The following CPB2 variants were observed in gnomAD, a reference collection of about 807,000 sequenced individuals.
CPB2 encodes the protein carboxypeptidase B2, also known as carboxypeptidase B-like protein.
In CPB2, 54 loss-of-function variants were observed where a neutral mutation model predicts 57.0. The ratio of observed to expected loss-of-function variants is 0.95; its 90% CI spans 0.76 to 1.19. CPB2 has a LOEUF of 1.19. Among genes scored for constraint, CPB2 ranks in the 50% most tolerant of loss-of-function variants. The pLI is 0.00. For synonymous variants in CPB2, 189 were observed against 178.1 expected, an observed-to-expected ratio of 1.06 and a Z score of -0.49; for missense variants, 426 against 512.0, an observed-to-expected ratio of 0.83 and a Z score of 1.62.
intron 1 of CPB2, among the ~76,000 whole-genome samples, chr13:46,090,362 C>CTTTTTTT (rs11458090): frequency 7.9e-6 from 1 of 125,818 alleles, no homozygotes; most frequent in Non-Finnish European, 1.6e-5. Context: ...TTTGTCTATT[C>CTTTTTTT]TTTTTTTTTT....
Position 46,058,237 on chromosome 13 carries a change from T to C in CPB2, c.941A>G (p.Gln314Arg). The C allele has an allele frequency of 6.2e-7, 1 of 1,614,144 alleles. No individual in the cohort carries two copies. Among genetic ancestry groups the C allele is most frequent in the Non-Finnish European group, 8.5e-7 (1 of 1,179,972 alleles). ...KAYISMHSYS[Q>R]HIVFPYSYTR... Reference sequence around the variant, plus strand: ...ATAGGAATATGGAAACACTATATGCTGGGAGTATGAATGCATGCTGATGTA... The same window carrying C: ...ATAGGAATATGGAAACACTATATGCCGGGAGTATGAATGCATGCTGATGTA... The change falls in exon 9 of 11, where the codon CAG becomes CGG. Residue 314 changes from glutamine (Q) to arginine (R), a missense_variant. Gln to Arg is a conservative substitution (Grantham distance 43, BLOSUM62 1). Transcript: ENST00000181383.
At chr13:46,100,679 T>G (rs2045423469) in intron 1 of CPB2, 1 of 152,124 alleles carries the variant, frequency 6.6e-6, no homozygotes, top group Non-Finnish European at 1.5e-5. Context: ...AACCTGCATG[T>G]GGCTGGTCTC....
intron 8 of CPB2, among the ~76,000 whole-genome samples, chr13:46,063,487 A>G (rs1196460180): frequency 6.6e-6 from 1 of 152,188 alleles, no homozygotes; most frequent in African/African-American, 2.4e-5. Flanking sequence ...ATGTTGCTGT[A>G]AAGGACATAA....
In CPB2 at chr13:46,082,715, G is replaced by A. The variant is rs17844194; in HGVS notation, c.276-166C>T. On this transcript the variant is annotated intron_variant, in intron 3 of 10. Coordinates refer to ENST00000181383, the MANE Select transcript of CPB2 (RefSeq NM_001872.5). ...AGACATCTCGCATTGTGGTAAACTG[G>A]TTGACAAACCCTTTCAGTAGAGCCT... Among the ~76,000 whole-genome samples, 372 of 152,298 alleles carry A rather than the reference G, an allele frequency of 2.4e-3. 2 individuals carry two copies. The highest frequency in any genetic ancestry group is 8.1e-3 in the African/African-American group (336 of 41,554).
chr13:46,084,083 T>G, intron 3 of CPB2, 136 bp downstream of exon 3: 7 of 1,039,072 alleles, frequency 6.7e-6, no homozygotes, highest in Non-Finnish European at 9.8e-6. Flanking sequence ...CACCAGTCCA[T>G]TTGGTCCAGT....
chr13:46,082,010 ATTAGTT>A (rs1482200297), intron 4 of CPB2, among the ~76,000 whole-genome samples: 3 of 152,232 alleles, frequency 2.0e-5, no homozygotes, highest in Non-Finnish European at 4.4e-5. Context: ...ATAAAATGCA[ATTAGTT>A]ATAGTGTATT....
At chr13:46,084,754 A>C (rs1250188920) in intron 2 of CPB2, among the ~76,000 whole-genome samples, 1 of 151,944 alleles carries the variant, frequency 6.6e-6, no homozygotes, top group East Asian at 1.9e-4. Flanking sequence ...TCTTGTAATT[A>C]TCATCATGTC....
At chr13:46,081,007 T>C (rs1162421454) in intron 4 of CPB2, among the ~76,000 whole-genome samples, 2 of 144,798 alleles carry the variant, frequency 1.4e-5, no homozygotes, top group African/African-American at 5.1e-5. Context: ...AAAAGGCATA[T>C]GAGGAAGAAC....
intron 6 of CPB2, among the ~76,000 whole-genome samples, chr13:46,068,754 A>G (rs1017180846): frequency 5.0e-5 from 7 of 138,956 alleles, no homozygotes; most frequent in Non-Finnish European, 7.6e-5. Context: ...ATGTGTTCTC[A>G]TTGTTCAGCT....
chr13:46,060,441 G>A (rs1437687419), intron 8 of CPB2, among the ~76,000 whole-genome samples: 1 of 141,158 alleles, frequency 7.1e-6, no homozygotes, highest in East Asian at 2.1e-4. Flanking sequence ...CAGCCTGGAT[G>A]ACAGAACAAG....
chr13:46,084,335 G>C lies in CPB2; in HGVS notation c.159C>G (p.Leu53=). 1 of 1,614,054 alleles carries C rather than the reference G, an allele frequency of 6.2e-7. No homozygotes were observed. Among genetic ancestry groups the C allele is most frequent in the South Asian group, 1.1e-5 (1 of 91,062 alleles). ...QNLTTTYEIV[L]WQPVTADLIV... ...TAAGGTCAGCTGTTACCGGCTGCCA[G>C]AGAACAATCTACAGTTTAAGGGGCA... The change falls in exon 3 of 11, where the codon CTC becomes CTG. Residue 53 remains leucine (L), a synonymous_variant. Coordinates refer to ENST00000181383, the MANE Select transcript of CPB2 (RefSeq NM_001872.5).
intron 3 of CPB2, 88 bp downstream of exon 3, chr13:46,084,131 T>A: frequency 6.7e-7 from 1 of 1,482,230 alleles, no homozygotes; most frequent in Admixed American, 1.9e-5. Flanking sequence ...TACATTTTAT[T>A]TTTCCAGGAA....
chr13:46,078,764 C>T, intron 5 of CPB2, 36 bp downstream of exon 5: 1 of 1,316,046 alleles, frequency 7.6e-7, no homozygotes, highest in Middle Eastern at 1.8e-4. Flanking sequence ...TCCCTCCCCT[C>T]ACAGTGAAAG....
chr13:46,094,499 A>C (rs954803580), intron 1 of CPB2, among the ~76,000 whole-genome samples: 2 of 152,220 alleles, frequency 1.3e-5, no homozygotes, highest in Non-Finnish European at 2.9e-5. Context: ...AGGTGGGAAT[A>C]GATCCTGAGG....
chr13:46,089,937 T>C (rs1334163346), intron 1 of CPB2, among the ~76,000 whole-genome samples: 1 of 152,220 alleles, frequency 6.6e-6, no homozygotes, highest in Non-Finnish European at 1.5e-5. Context: ...AACCCTATAT[T>C]GTATTAAGTA....
intron 1 of CPB2, among the ~76,000 whole-genome samples, chr13:46,104,636 T>C (rs1468149674): frequency 6.6e-6 from 1 of 152,216 alleles, no homozygotes; most frequent in East Asian, 1.9e-4. Context: ...AGTTAGAGTA[T>C]AAATAGTTAC....
At chr13:46,079,379 T>A (rs946802189) in intron 4 of CPB2, among the ~76,000 whole-genome samples, 27 of 152,004 alleles carry the variant, frequency 1.8e-4, no homozygotes, top group Non-Finnish European at 1.0e-4. Flanking sequence ...ACAGTGAGAT[T>A]GGCACAATGA....
At chr13:46,055,325 C>G (rs2044683162) in intron 10 of CPB2, among the ~76,000 whole-genome samples, 1 of 152,138 alleles carries the variant, frequency 6.6e-6, no homozygotes, top group Non-Finnish European at 1.5e-5. Flanking sequence ...TAAAGACAAT[C>G]AACTGTAATG....
chr13:46,058,091 A>C (rs2296641), intron 9 of CPB2, 88 bp downstream of exon 9: 948,480 of 1,247,090 alleles, frequency 0.76, 362,084 homozygotes, highest in African/African-American at 0.87. Flanking sequence ...CTTCTAGAGG[A>C]CAAAATTTTT....
Sources: gnomAD v4.1 joint callset for allele counts (sites outside exome capture counted in the v4.1 genomes callset) on GRCh38, gnomAD v4.1.1 for gene constraint, MANE v1.5 for transcripts, NCBI Gene and HGNC (gene_info 2026-07-23, HGNC 2026-07-21) for gene names.